The following ASPH variants were observed in gnomAD, a reference collection of about 807,000 sequenced individuals.
ASPH encodes aspartyl/asparaginyl beta-hydroxylase.
ASPH carries 100 observed loss-of-function variants against 118.4 expected under a neutral mutation model. The ratio of observed to expected loss-of-function variants is 0.84; its 90% CI spans 0.72 to 1.00. ASPH has a LOEUF of 1.00. Ranked by LOEUF, ASPH falls within the 50% of genes least tolerant of loss-of-function variation. The pLI is 0.00. For synonymous variants in ASPH, 315 were observed against 325.6 expected (o/e 0.97, Z 0.35); for missense variants, 920 against 919.5 (o/e 1.00, Z -0.01).
intron 3 of ASPH, among the ~76,000 whole-genome samples, chr8:61,662,246 T>C (rs1157630859): frequency 1.3e-5 from 2 of 152,184 alleles, no homozygotes; most frequent in Non-Finnish European, 2.9e-5. Flanking sequence ...TTAAGAAAAA[T>C]ATGCCAATAA....
intron 13 of ASPH, among the ~76,000 whole-genome samples, chr8:61,619,937 C>T (rs1390971711): frequency 6.6e-6 from 1 of 152,130 alleles, no homozygotes; most frequent in African/African-American, 2.4e-5. Context: ...CTGTCCTCTC[C>T]CACAGAAGCT....
chr8:61,675,308 T>C (rs542821129), intron 3 of ASPH: 9 of 910,910 alleles, frequency 9.9e-6, no homozygotes, highest in Non-Finnish European at 1.2e-5. Context: ...CATATTCACA[T>C]GTTCCCTCTT....
At chr8:61,709,778 A>G (rs997258283) in intron 1 of ASPH, among the ~76,000 whole-genome samples, 2 of 152,166 alleles carry the variant, frequency 1.3e-5, no homozygotes, top group Non-Finnish European at 2.9e-5. Flanking sequence ...GACTAAATAT[A>G]TCTGAGCCTG....
At chr8:61,622,499 T>A (rs1359286455) in intron 13 of ASPH, among the ~76,000 whole-genome samples, 3 of 152,170 alleles carry the variant, frequency 2.0e-5, no homozygotes, top group African/African-American at 7.2e-5. Flanking sequence ...CACACTGGCA[T>A]CTGTTCTTTC....
intron 12 of ASPH, among the ~76,000 whole-genome samples, chr8:61,634,693 G>A (rs1050057933): frequency 9.2e-5 from 14 of 151,996 alleles, no homozygotes; most frequent in Non-Finnish European, 1.8e-4. Context: ...TAATAGGTTT[G>A]CCTGTTTATT....
intron 20 of ASPH, among the ~76,000 whole-genome samples, chr8:61,551,561 C>T (rs1167602355): frequency 6.6e-6 from 1 of 152,192 alleles, no homozygotes; most frequent in African/African-American, 2.4e-5. Flanking sequence ...ACGTTCAAAT[C>T]CCAAGCCCTT....
intron 4 of ASPH, among the ~76,000 whole-genome samples, chr8:61,652,343 C>T (rs946325468): frequency 8.5e-5 from 13 of 152,168 alleles, no homozygotes; most frequent in African/African-American, 2.9e-4. Context: ...AGTCTCAGTT[C>T]CTAGGAGCAG....
At chr8:61,664,577 GAGA>G in intron 3 of ASPH, 1 of 986,618 alleles carries the variant, frequency 1.0e-6, no homozygotes, top group African/African-American at 1.7e-5. Context: ...GGTCAGGAGT[GAGA>G]AGCATGCAGG....
intron 1 of ASPH, among the ~76,000 whole-genome samples, chr8:61,699,882 C>G (rs1025633770): frequency 2.0e-5 from 3 of 152,184 alleles, no homozygotes; most frequent in East Asian, 3.8e-4. Flanking sequence ...CATGGCCCAC[C>G]CTATGCCTAG....
chr8:61,524,927 A>T (rs1266133430), intron 22 of ASPH, among the ~76,000 whole-genome samples: 1 of 152,162 alleles, frequency 6.6e-6, no homozygotes, highest in South Asian at 2.1e-4. Flanking sequence ...TCTTAGTGAC[A>T]TGTCAGAGGT....
At chr8:61,512,559 G>A (rs374023782) in intron 24 of ASPH, among the ~76,000 whole-genome samples, 3 of 152,158 alleles carry the variant, frequency 2.0e-5, no homozygotes, top group African/African-American at 4.8e-5. Flanking sequence ...CCAGAACCAC[G>A]AAATAATACA....
chr8:61,551,049 A>G (rs1825819397), intron 20 of ASPH, among the ~76,000 whole-genome samples: 1 of 152,224 alleles, frequency 6.6e-6, no homozygotes, highest in South Asian at 2.1e-4. Flanking sequence ...TCTCTGTGCC[A>G]TCGTGTGGGA....
At chr8:61,664,720 C>G in intron 3 of ASPH, 2 of 985,806 alleles carry the variant, frequency 2.0e-6, no homozygotes, top group Non-Finnish European at 2.4e-6. Context: ...AGGAACGGCC[C>G]CCTGAAAGGC....
intron 1 of ASPH, among the ~76,000 whole-genome samples, chr8:61,709,315 C>T (rs1837507000): frequency 6.6e-6 from 1 of 152,056 alleles, no homozygotes; most frequent in South Asian, 2.1e-4. Flanking sequence ...TCTTGGCTCC[C>T]AGCAGTACCA....
intron 1 of ASPH, among the ~76,000 whole-genome samples, chr8:61,706,417 A>C (rs1418477887): frequency 6.9e-6 from 1 of 144,824 alleles, no homozygotes; most frequent in African/African-American, 2.7e-5. Flanking sequence ...AAAAAAAAAA[A>C]AAAAAAAAAA....
intron 14 of ASPH, among the ~76,000 whole-genome samples, chr8:61,617,645 C>G (rs989252001): frequency 3.9e-5 from 6 of 151,928 alleles, no homozygotes; most frequent in African/African-American, 1.4e-4. Flanking sequence ...AAAGAAACAG[C>G]TAAGGCCAGG....
intron 20 of ASPH, among the ~76,000 whole-genome samples, chr8:61,550,926 G>T (rs112939848): frequency 0.023 from 3,510 of 152,282 alleles, 54 homozygotes; most frequent in South Asian, 0.072. Flanking sequence ...GAGTAAGGAG[G>T]AGAGGGAGGA....
intron 16 of ASPH, 81 bp from the exon 17 acceptor site, chr8:61,567,399 C>T: frequency 1.4e-6 from 2 of 1,409,268 alleles, no homozygotes; most frequent in Non-Finnish European, 1.9e-6. Context: ...AAAAAGTTAA[C>T]TTTTGGACAT....
intron 18 of ASPH, among the ~76,000 whole-genome samples, chr8:61,558,350 G>A (rs1828627091): frequency 6.6e-6 from 1 of 152,154 alleles, no homozygotes; most frequent in South Asian, 2.1e-4. Flanking sequence ...AGTAGAAAGG[G>A]ATAGTGGGCC....
Sources: allele counts gnomAD v4.1 joint callset (sites outside exome capture counted in the v4.1 genomes callset), GRCh38; gene constraint gnomAD v4.1.1; transcripts MANE v1.5; gene names NCBI Gene and HGNC (gene_info 2026-07-23, HGNC 2026-07-21).